The following NFIB variants were observed in gnomAD, a reference collection of about 807,000 sequenced individuals.
The protein encoded by NFIB is nuclear factor I B.
A neutral mutation model predicts 61.5 loss-of-function variants in NFIB; 11 were observed. That is an observed-to-expected ratio of 0.18 (90% CI 0.11 to 0.30). The LOEUF (loss-of-function observed/expected upper bound fraction) is 0.30, where lower values mean the gene tolerates loss of function less well. Ranked by LOEUF, NFIB falls within the 10% of genes least tolerant of loss-of-function variation. The probability of loss-of-function intolerance (pLI) is 1.00; values close to 1 mark genes in which losing one functional copy is unlikely to be tolerated. For missense variants in NFIB, 471 were observed against 608.9 expected (o/e 0.77, Z 2.38); for synonymous variants, 260 against 216.5 (o/e 1.20, Z -1.76).
At position 14,082,135 on chromosome 9, in the gene NFIB, G is replaced by C. The variant is rs2032037849; in HGVS notation, c.*6174C>G. 1 of 208,424 alleles carries C rather than the reference G, an allele frequency of 4.8e-6. No individual in the cohort carries two copies. The highest frequency in any genetic ancestry group is 2.3e-5 in the African/African-American group (1 of 43,914). The allele number at this position is 208,424 out of a possible 1,614,324, so 12.9% of individuals were successfully genotyped here. A position where few individuals can be genotyped will look rare whatever the true frequency, so the allele number is the denominator to read the frequency against. On this transcript the variant is annotated 3_prime_UTR_variant, in exon 11 of 11. Coordinates refer to ENST00000380953, the MANE Select transcript of NFIB (RefSeq NM_001190737.2). ...GTTGATCCCAGAGGCCTGAACTCTAGAAATTAAGTAACTGTCGTATAATAC... is the reference window on the plus strand; with the variant it reads ...GTTGATCCCAGAGGCCTGAACTCTACAAATTAAGTAACTGTCGTATAATAC...
At chr9:14,223,588 G>A (rs2131853587) in intron 2 of NFIB, among the ~76,000 whole-genome samples, 1 of 152,104 alleles carries the variant, frequency 6.6e-6, no homozygotes, top group African/African-American at 2.4e-5. Flanking sequence ...CTCCTCTTGT[G>A]CAATTCAATA....
Position 14,252,332 on chromosome 9 carries a change from T to C in NFIB, c.562+54657A>G, listed in dbSNP as rs190755765. 1.7e-3 allele frequency among the ~76,000 whole-genome samples: 259 copies of C among 152,320 alleles called. 1 individual carries two copies. Among genetic ancestry groups the C allele is most frequent in the African/African-American group, 6.1e-3 (252 of 41,588 alleles). ...CTATGGCACTTTGCATTTATTTATA[T>C]GAATTCATTTTAAAAACTCACTTTA... On this transcript the variant is annotated intron_variant, in intron 2 of 10. Coordinates refer to ENST00000380953, the MANE Select transcript of NFIB (RefSeq NM_001190737.2).
At chr9:14,288,363 T>A (rs377520703) in intron 2 of NFIB, among the ~76,000 whole-genome samples, 127 of 143,500 alleles carry the variant, frequency 8.9e-4, no homozygotes, top group African/African-American at 2.9e-3. Flanking sequence ...GATTAATCAA[T>A]CAAAGCCATT....
chr9:14,292,237 G>C (rs2059152956), intron 2 of NFIB, among the ~76,000 whole-genome samples: 1 of 152,100 alleles, frequency 6.6e-6, no homozygotes, highest in Non-Finnish European at 1.5e-5. Flanking sequence ...GCCTCTCTTA[G>C]ACTCAGTATC....
At chr9:14,513,527 C>G in the NFIB span, among the ~76,000 whole-genome samples, 1 of 151,500 alleles carries the variant, frequency 6.6e-6, no homozygotes, top group Admixed American at 6.6e-5. Flanking sequence ...ACTCAAGAGG[C>G]TGAGGCCAGA....
At chr9:14,216,540 CTCCCTCTG>C (rs2050932277) in intron 2 of NFIB, among the ~76,000 whole-genome samples, 2 of 29,378 alleles carry the variant, frequency 6.8e-5, no homozygotes, top group East Asian at 7.3e-4. Flanking sequence ...CTCTCTCTCT[CTCCCTCTG>C]TGTGTGTGTG....
At chr9:14,149,275 C>T (rs558327351) in intron 5 of NFIB, among the ~76,000 whole-genome samples, 50 of 152,188 alleles carry the variant, frequency 3.3e-4, no homozygotes, top group African/African-American at 9.4e-4. Flanking sequence ...TCAAATTCAA[C>T]GAACTTTCAC....
At chr9:14,486,202 G>C in the NFIB span, among the ~76,000 whole-genome samples, 1 of 152,276 alleles carries the variant, frequency 6.6e-6, no homozygotes, top group South Asian at 2.1e-4. Flanking sequence ...TTGAAAGAAG[G>C]CTTGGAGATT....
At chr9:14,351,706 T>C (rs1216112948) in intron 1 of NFIB, among the ~76,000 whole-genome samples, 1 of 152,224 alleles carries the variant, frequency 6.6e-6, no homozygotes, top group African/African-American at 2.4e-5. Context: ...TTAAGAAGCC[T>C]CCCTTGCAAA....
chr9:14,420,509 T>C, the NFIB span, among the ~76,000 whole-genome samples: 1 of 146,070 alleles, frequency 6.8e-6, no homozygotes, highest in Non-Finnish European at 1.5e-5. Context: ...AATCATTTTC[T>C]CCACACCAAC....
chr9:14,222,056 C>T (rs985472316), intron 2 of NFIB, among the ~76,000 whole-genome samples: 1 of 152,140 alleles, frequency 6.6e-6, no homozygotes, highest in African/African-American at 2.4e-5. Flanking sequence ...GCAAGTTGTC[C>T]TCTTTTTGAT....
At chr9:14,320,486 A>G (rs546138850) in intron 1 of NFIB, among the ~76,000 whole-genome samples, 80 of 152,350 alleles carry the variant, frequency 5.3e-4, no homozygotes, top group African/African-American at 1.8e-3. Flanking sequence ...TCCATCTCTC[A>G]TACCATTAAA....
At chr9:14,457,693 C>T in the NFIB span, among the ~76,000 whole-genome samples, 11 of 151,864 alleles carry the variant, frequency 7.2e-5, 1 homozygote, top group African/African-American at 2.2e-4. Context: ...TTATCACCAC[C>T]GATCCCACAG....
intron 1 of NFIB, among the ~76,000 whole-genome samples, chr9:14,331,958 G>A (rs1046946999): frequency 1.3e-5 from 2 of 152,164 alleles, no homozygotes; most frequent in Admixed American, 6.5e-5. Flanking sequence ...GAATAGATAT[G>A]GTCTGCGACA....
chr9:14,523,873 CCTT>C, the NFIB span, among the ~76,000 whole-genome samples: 18 of 152,216 alleles, frequency 1.2e-4, no homozygotes, highest in African/African-American at 3.6e-4. Flanking sequence ...TTGCTATGGG[CCTT>C]CTTCTTACTC....
chr9:14,170,787 G>A (rs1232492321), intron 3 of NFIB, among the ~76,000 whole-genome samples: 2 of 152,184 alleles, frequency 1.3e-5, no homozygotes, highest in African/African-American at 2.4e-5. Flanking sequence ...CCCTTAAGGG[G>A]AACCTAGACA....
chr9:14,527,803 T>C, the NFIB span, among the ~76,000 whole-genome samples: 1 of 152,216 alleles, frequency 6.6e-6, no homozygotes, highest in Non-Finnish European at 1.5e-5. Context: ...CTACCACATT[T>C]CTACATTTCC....
chr9:14,513,892 A>C, the NFIB span, among the ~76,000 whole-genome samples: 1 of 152,228 alleles, frequency 6.6e-6, no homozygotes, highest in Non-Finnish European at 1.5e-5. Flanking sequence ...TACATGAGGT[A>C]ATATATGCAA....
At chr9:14,314,300 C>G (rs1423577107), upstream of NFIB, 5 of 330,976 alleles carry the variant, frequency 1.5e-5, no homozygotes, top group Non-Finnish European at 4.3e-6. Flanking sequence ...GCCGCCGCCG[C>G]CCGCGCCGGG....
Sources: allele counts gnomAD v4.1 joint callset (sites outside exome capture counted in the v4.1 genomes callset), GRCh38; gene constraint gnomAD v4.1.1; transcripts MANE v1.5; gene names NCBI Gene and HGNC (gene_info 2026-07-23, HGNC 2026-07-21).